The following SEMA5B variants were observed in gnomAD, a reference collection of about 807,000 sequenced individuals.
SEMA5B encodes semaphorin 5B.
A neutral mutation model predicts 135.0 loss-of-function variants in SEMA5B; 66 were observed. The ratio of observed to expected loss-of-function variants is 0.49; its 90% CI spans 0.40 to 0.60. The LOEUF (loss-of-function observed/expected upper bound fraction) is 0.60, where lower values mean the gene tolerates loss of function less well. Ranked by LOEUF, SEMA5B falls within the 20% of genes least tolerant of loss-of-function variation. SEMA5B has a pLI of 0.00. For missense variants in SEMA5B, 1,501 were observed against 1,566.3 expected (o/e 0.96, Z 0.70); for synonymous variants, 690 against 639.5 (o/e 1.08, Z -1.19).
intron 17 of SEMA5B, 30 bp downstream of exon 17, chr3:122,913,169 A>T: frequency 6.6e-7 from 1 of 1,518,690 alleles, no homozygotes; most frequent in Non-Finnish European, 8.8e-7. Flanking sequence ...GCTGGGAGAG[A>T]GGAAGGAGGG....
intron 12 of SEMA5B, among the ~76,000 whole-genome samples, chr3:122,918,993 C>CTTTT (rs63373262): frequency 3.1e-4 from 25 of 80,312 alleles, no homozygotes; most frequent in Non-Finnish European, 5.0e-4. Context: ...ATCACCATGT[C>CTTTT]TTTTTTTTTT....
intron 2 of SEMA5B, among the ~76,000 whole-genome samples, chr3:122,949,880 C>T (rs1939968230): frequency 6.6e-6 from 1 of 152,166 alleles, no homozygotes; most frequent in Non-Finnish European, 1.5e-5. Context: ...CCAATCAGTA[C>T]TCTCCACTCC....
At chr3:122,920,538 T>A (rs1217294989) in intron 12 of SEMA5B, among the ~76,000 whole-genome samples, 1 of 152,240 alleles carries the variant, frequency 6.6e-6, no homozygotes, top group Non-Finnish European at 1.5e-5. Context: ...AGATACCAGC[T>A]ACCTCTTGTG....
At chr3:123,010,790 C>T (rs1367114655) in intron 1 of SEMA5B, among the ~76,000 whole-genome samples, 3 of 119,352 alleles carry the variant, frequency 2.5e-5, no homozygotes, top group Non-Finnish European at 4.8e-5. Flanking sequence ...GGCCTGGTGA[C>T]AGAGTGAGTC....
intron 1 of SEMA5B, among the ~76,000 whole-genome samples, chr3:122,996,277 C>T (rs1315146697): frequency 6.6e-6 from 1 of 152,244 alleles, no homozygotes; most frequent in Non-Finnish European, 1.5e-5. Context: ...GAAGGGAGGC[C>T]GTCTGGGCCC....
At chr3:123,017,360 A>C (rs1301796695) in intron 1 of SEMA5B, among the ~76,000 whole-genome samples, 1 of 152,140 alleles carries the variant, frequency 6.6e-6, no homozygotes, top group Non-Finnish European at 1.5e-5. Context: ...AAAGAAAAGA[A>C]TGCTCAGAAA....
chr3:122,980,217 T>G (rs1211506951), intron 1 of SEMA5B, among the ~76,000 whole-genome samples: 1 of 152,048 alleles, frequency 6.6e-6, no homozygotes, highest in African/African-American at 2.4e-5. Context: ...TCCCAGCACT[T>G]TGGGAGGCTG....
intron 1 of SEMA5B, among the ~76,000 whole-genome samples, chr3:122,984,258 T>G (rs910262708): frequency 1.3e-5 from 2 of 152,104 alleles, no homozygotes; most frequent in African/African-American, 4.8e-5. Flanking sequence ...CAGCGGGAAC[T>G]CTCCCCTCAG....
chr3:123,000,787 C>T (rs970752857), intron 1 of SEMA5B, among the ~76,000 whole-genome samples: 5 of 152,140 alleles, frequency 3.3e-5, no homozygotes, highest in Non-Finnish European at 7.3e-5. Flanking sequence ...TGGTGAGCTG[C>T]AAGGATTTAG....
At chr3:122,992,345 G>A (rs1384567325) in intron 1 of SEMA5B, among the ~76,000 whole-genome samples, 2 of 152,198 alleles carry the variant, frequency 1.3e-5, no homozygotes, top group Non-Finnish European at 2.9e-5. Flanking sequence ...TGGGAGGAGG[G>A]ATAAGCCACA....
intron 1 of SEMA5B, among the ~76,000 whole-genome samples, chr3:122,984,632 C>T (rs1175386473): frequency 6.6e-6 from 1 of 152,086 alleles, no homozygotes; most frequent in Non-Finnish European, 1.5e-5. Flanking sequence ...ACAATGTTTG[C>T]TATTTGGGTA....
Position 122,948,671 on chromosome 3 carries a change from C to G in SEMA5B, c.163G>C (p.Glu55Gln). The change falls in exon 3 of 23, where the codon GAG becomes CAG. Residue 55 changes from glutamate (E) to glutamine (Q), a missense_variant. Around this residue, in one of 2 missense-constraint regions of SEMA5B, gnomAD observed 574 missense variants for 684.7 expected, o/e 0.84. Transcript: ENST00000357599. ...CCTGCAAGCACCATGATAGGCCCCT[C>G]TGCAGTCCTAGCTCCGGGAGGCAGA... ...PCLPPGARTA[E>Q]GPIMVLAGPL... 6.2e-7 allele frequency: 1 copy of G among 1,611,878 alleles called. No individual in the cohort carries two copies. Among genetic ancestry groups the G allele is most frequent in the East Asian group, 2.2e-5 (1 of 44,782 alleles).
intron 22 of SEMA5B, 51 bp downstream of exon 22, chr3:122,910,789 G>A (rs550449129): frequency 2.3e-5 from 33 of 1,413,782 alleles, no homozygotes; most frequent in Middle Eastern, 2.7e-4. Context: ...CAGCCTGGGC[G>A]ACAGAGTGAG....
At chr3:122,927,444 C>T (rs1055369988) in intron 8 of SEMA5B, among the ~76,000 whole-genome samples, 2 of 152,218 alleles carry the variant, frequency 1.3e-5, no homozygotes, top group South Asian at 2.1e-4. Context: ...GTTCCTGCCT[C>T]AGCCTCCCAA....
chr3:122,951,342 C>G (rs756714331), intron 2 of SEMA5B, among the ~76,000 whole-genome samples: 1 of 152,174 alleles, frequency 6.6e-6, no homozygotes, highest in Non-Finnish European at 1.5e-5. Context: ...TGTAGGTTAT[C>G]TATAAGTAGC....
At chr3:122,979,712 C>T (rs761438872) in intron 1 of SEMA5B, among the ~76,000 whole-genome samples, 1 of 152,178 alleles carries the variant, frequency 6.6e-6, no homozygotes, top group Non-Finnish European at 1.5e-5. Flanking sequence ...AACAACAGGC[C>T]ATCCATCTGG....
At chr3:122,941,812 A>G (rs1939576162) in intron 4 of SEMA5B, among the ~76,000 whole-genome samples, 1 of 152,258 alleles carries the variant, frequency 6.6e-6, no homozygotes, top group African/African-American at 2.4e-5. Flanking sequence ...ATGTTGTCCT[A>G]CAGTTATGCA....
At chr3:122,917,791 A>T (rs1164298042) in intron 12 of SEMA5B, among the ~76,000 whole-genome samples, 1 of 149,398 alleles carries the variant, frequency 6.7e-6, no homozygotes, top group Non-Finnish European at 1.5e-5. Flanking sequence ...CAATTTGGGT[A>T]AATTGTACAA....
At chr3:122,997,518 T>TCTCCGCC (rs764169923) in intron 1 of SEMA5B, among the ~76,000 whole-genome samples, 3 of 142,782 alleles carry the variant, frequency 2.1e-5, no homozygotes, top group Admixed American at 1.4e-4. Context: ...CCCAGGCCTC[T>TCTCCGCC]CCCCCCCCCG....
Sources: gnomAD v4.1 joint callset for allele counts (sites outside exome capture counted in the v4.1 genomes callset) on GRCh38, gnomAD v4.1.1 for gene constraint, gnomAD v4.1.1 regional missense constraint, MANE v1.5 for transcripts, NCBI Gene and HGNC (gene_info 2026-07-23, HGNC 2026-07-21) for gene names.